Variants in CLEC2B observed in about 807,000 individuals in gnomAD.
CLEC2B encodes C-type lectin domain family 2 member B, also known as C-type (calcium dependent, carbohydrate-recognition domain) lectin, superfamily member 2 (activation-induced).
A neutral mutation model predicts 16.2 loss-of-function variants in CLEC2B; 14 were observed. The ratio of observed to expected loss-of-function variants is 0.86; its 90% CI spans 0.57 to 1.35. CLEC2B has a LOEUF of 1.35. CLEC2B is among the 40% of genes most tolerant of loss of function. CLEC2B has a pLI of 0.00. For missense variants in CLEC2B, 166 were observed against 182.3 expected (o/e 0.91, Z 0.52); for synonymous variants, 42 against 55.8 (o/e 0.75, Z 1.10).
At chr12:9,868,055 C>T (rs762478405) in intron 1 of CLEC2B, among the ~76,000 whole-genome samples, 8 of 150,700 alleles carry the variant, frequency 5.3e-5, no homozygotes, top group South Asian at 2.1e-4. Context: ...GCTATTAAAA[C>T]GATGTTCATA....
At chr12:9,862,009 C>A (rs750666222) in intron 2 of CLEC2B, among the ~76,000 whole-genome samples, 13 of 151,920 alleles carry the variant, frequency 8.6e-5, no homozygotes, top group Non-Finnish European at 1.9e-4. Context: ...AAAATTTCAA[C>A]CTTTTTCCAT....
chr12:9,857,926 A>G (rs1867906728), intron 2 of CLEC2B, among the ~76,000 whole-genome samples: 1 of 152,134 alleles, frequency 6.6e-6, no homozygotes, highest in Non-Finnish European at 1.5e-5. Flanking sequence ...TACCATTTCT[A>G]GGTAAATGAA....
intron 1 of CLEC2B, among the ~76,000 whole-genome samples, chr12:9,865,249 A>G (rs531010571): frequency 6.6e-6 from 1 of 151,826 alleles, no homozygotes; most frequent in African/African-American, 2.4e-5. Flanking sequence ...CCCTAACTGT[A>G]TGCAGCCTAC....
chr12:9,855,984 A>G (rs1273446458), intron 3 of CLEC2B, among the ~76,000 whole-genome samples: 2 of 152,102 alleles, frequency 1.3e-5, no homozygotes, highest in East Asian at 1.9e-4. Context: ...TATGTAGTAT[A>G]TAATAGTCAT....
intron 3 of CLEC2B, chr12:9,854,906 A>G (rs1204585403): frequency 5.0e-6 from 1 of 200,228 alleles, no homozygotes; most frequent in African/African-American, 2.3e-5. Context: ...TTATCTTCCC[A>G]AACTACATAG....
At chr12:9,868,948 T>C (rs1867993423) in intron 1 of CLEC2B, among the ~76,000 whole-genome samples, 1 of 152,152 alleles carries the variant, frequency 6.6e-6, no homozygotes, top group Admixed American at 6.5e-5. Flanking sequence ...ATAAAATACT[T>C]AGTAAAAATG....
intron 3 of CLEC2B, among the ~76,000 whole-genome samples, chr12:9,855,077 C>T (rs541089425): frequency 3.9e-5 from 6 of 152,098 alleles, no homozygotes; most frequent in Non-Finnish European, 5.9e-5. Context: ...CATTGTTTAA[C>T]TTACCTCGAC....
At position 9,853,075 on chromosome 12, in the gene CLEC2B, A is replaced by AAGAAAGAAAGAAAGAAAGAAAGAAAG. The variant is rs746875604; in HGVS notation, c.*224_*225insCTTTCTTTCTTTCTTTCTTTCTTTCT. On this transcript the variant is annotated 3_prime_UTR_variant, in exon 5 of 5. Coordinates refer to ENST00000228438, the MANE Select transcript of CLEC2B (RefSeq NM_005127.3). The stretch of plus-strand genomic sequence containing the variant: ...AGTTAAAAAAAGAAAGAAAGAAAGA[A>AAGAAAGAAAGAAAGAAAGAAAGAAAG]AGAAAGAAAGAGAGAGAGAGAAAGA... 49 of 397,602 alleles carry AAGAAAGAAAGAAAGAAAGAAAGAAAG rather than the reference A, an allele frequency of 1.2e-4. 1 individual carries two copies. Among genetic ancestry groups the AAGAAAGAAAGAAAGAAAGAAAGAAAG allele is most frequent in the Non-Finnish European group, 2.1e-4 (45 of 219,438 alleles). 24.6% of individuals were successfully genotyped at this position (397,602 alleles called of 1,614,324 possible). A position where few individuals can be genotyped will look rare whatever the true frequency, so the allele number is the denominator to read the frequency against.
chr12:9,866,293 A>G (rs189192927), intron 1 of CLEC2B, among the ~76,000 whole-genome samples: 217 of 152,258 alleles, frequency 1.4e-3, no homozygotes, highest in Non-Finnish European at 2.6e-3. Context: ...TCAAGTAAAT[A>G]TGTCAGTATG....
chr12:9,867,547 G>A (rs968340275), intron 1 of CLEC2B, among the ~76,000 whole-genome samples: 9 of 152,060 alleles, frequency 5.9e-5, no homozygotes, highest in Non-Finnish European at 1.2e-4. Context: ...TTATTTACAT[G>A]AGTTATCAGA....
At chr12:9,855,890 T>C (rs1370246443) in intron 3 of CLEC2B, among the ~76,000 whole-genome samples, 3 of 152,126 alleles carry the variant, frequency 2.0e-5, no homozygotes, top group Non-Finnish European at 4.4e-5. Context: ...TTTTAAATAA[T>C]CGATTACAAT....
chr12:9,860,886 A>T (rs2136979551), intron 2 of CLEC2B, among the ~76,000 whole-genome samples: 1 of 152,022 alleles, frequency 6.6e-6, no homozygotes, highest in African/African-American at 2.4e-5. Flanking sequence ...AAGTTATTTC[A>T]GGTTGAAAGA....
chr12:9,858,684 G>GTA (rs1179046462), intron 2 of CLEC2B, among the ~76,000 whole-genome samples: 2 of 151,648 alleles, frequency 1.3e-5, no homozygotes, highest in South Asian at 2.1e-4. Context: ...TACATACACA[G>GTA]TGTGTATATA....
chr12:9,859,586 T>C (rs2136978918), intron 2 of CLEC2B, among the ~76,000 whole-genome samples: 1 of 152,002 alleles, frequency 6.6e-6, no homozygotes, highest in Admixed American at 6.6e-5. Flanking sequence ...GAAATCTCCC[T>C]GTCCAGATGG....
At position 9,856,254 on chromosome 12, in the gene CLEC2B, CAT is replaced by C. The variant is rs796727872; in HGVS notation, c.237+1218_237+1219del. 2.6e-5 allele frequency among the ~76,000 whole-genome samples: 4 copies of C among 151,948 alleles called. No homozygotes were observed. The South Asian group carries it at 8.3e-4, about 31-fold the overall frequency. On this transcript the variant is annotated intron_variant, in intron 3 of 4. Transcript: ENST00000228438. ...CTTCATCTTTCATTTTATTAACACT[CAT>C]TATTTTTCCATCTCACTGCTAGTTT...
rs1555123321 is a variant in CLEC2B at position 9,853,085 on chromosome 12, G to GAAAGAAAGAAAGAAAGAAAGAA, written c.*214_*215insTTCTTTCTTTCTTTCTTTCTTT. 1.2e-4 allele frequency: 38 copies of GAAAGAAAGAAAGAAAGAAAGAA among 316,088 alleles called. No individual in the cohort carries two copies. The highest frequency in any genetic ancestry group is 2.9e-4 in the East Asian group (6 of 20,826). 19.6% of individuals were successfully genotyped at this position (316,088 alleles called of 1,614,324 possible). On this transcript the variant is annotated 3_prime_UTR_variant, in exon 5 of 5. Coordinates refer to ENST00000228438, the MANE Select transcript of CLEC2B (RefSeq NM_005127.3). Reference sequence around the variant, plus strand: ...AGAAAGAAAGAAAGAAAGAAAGAAAGAGAGAGAGAGAAAGAAAGAAAGAAA... The same window carrying GAAAGAAAGAAAGAAAGAAAGAA: ...AGAAAGAAAGAAAGAAAGAAAGAAAGAAAGAAAGAAAGAAAGAAAGAAAGAGAGAGAGAAAGAAAGAAAGAAA...
intron 1 of CLEC2B, among the ~76,000 whole-genome samples, 155 bp from the exon 2 acceptor site, chr12:9,862,728 A>G (rs368178427): frequency 6.6e-6 from 1 of 152,106 alleles, no homozygotes; most frequent in Non-Finnish European, 1.5e-5. Context: ...TATGAGAAGA[A>G]GACAATTCCT....
chr12:9,859,052 CTGTG>C (rs1211258132), intron 2 of CLEC2B, among the ~76,000 whole-genome samples: 2 of 151,920 alleles, frequency 1.3e-5, no homozygotes, highest in Non-Finnish European at 2.9e-5. Flanking sequence ...CATCAAAATC[CTGTG>C]TGTCTTCAAT....
At position 9,854,494 on chromosome 12, in the gene CLEC2B, C is replaced by A. The variant is rs1867878814; in HGVS notation, c.238-10G>T. 1 of 1,576,124 alleles carries A rather than the reference C, an allele frequency of 6.3e-7. No homozygotes were observed. The highest frequency in any genetic ancestry group is 2.2e-5 in the East Asian group (1 of 44,672). On this transcript the variant is annotated splice_polypyrimidine_tract_variant and intron_variant, in intron 3 of 4. Coordinates refer to ENST00000228438, the MANE Select transcript of CLEC2B (RefSeq NM_005127.3). ...ACCGCCTAAGAAAATTCTTTAGAGA[C>A]AAAATTAATTTCAAAATCATACATG...
Sources: gnomAD v4.1 joint callset for allele counts (sites outside exome capture counted in the v4.1 genomes callset) on GRCh38, gnomAD v4.1.1 for gene constraint, MANE v1.5 for transcripts, NCBI Gene and HGNC (gene_info 2026-07-23, HGNC 2026-07-21) for gene names.